The following PDE6C variants were observed in gnomAD, a reference collection of about 807,000 sequenced individuals.
PDE6C encodes the protein phosphodiesterase 6C.
In PDE6C, 75 loss-of-function variants were observed where a neutral mutation model predicts 113.1. The observed-to-expected ratio is 0.66, with a 90% CI of 0.55 to 0.80. PDE6C has a LOEUF of 0.80. Among genes scored for constraint, PDE6C ranks in the 30% least tolerant of loss-of-function variants. The pLI, the probability that PDE6C is intolerant of heterozygous loss-of-function variation, is 0.00. For synonymous variants in PDE6C, 375 were observed against 363.7 expected, an observed-to-expected ratio of 1.03 and a Z score of -0.35; for missense variants, 912 against 1,038.6, an observed-to-expected ratio of 0.88 and a Z score of 1.67.
chr10:93,617,483 A>G (rs2058425442), intron 1 of PDE6C, among the ~76,000 whole-genome samples: 1 of 152,248 alleles, frequency 6.6e-6, no homozygotes, highest in Non-Finnish European at 1.5e-5. Context: ...TTTGCAAAGA[A>G]GTGCTGCCAG....
intron 8 of PDE6C, 41 bp from the exon 9 acceptor site, chr10:93,634,717 A>T (rs748787048): frequency 6.9e-5 from 111 of 1,611,246 alleles, no homozygotes; most frequent in Non-Finnish European, 8.6e-5. Flanking sequence ...TTTCAAACTA[A>T]AAAGGCAAAA....
At chr10:93,654,778 C>A (rs1218679775) in intron 15 of PDE6C, among the ~76,000 whole-genome samples, 1 of 60,344 alleles carries the variant, frequency 1.7e-5, no homozygotes, top group Admixed American at 2.0e-4. Context: ...TTCTTTCTTT[C>A]TTTCTTTCTT....
intron 14 of PDE6C, among the ~76,000 whole-genome samples, chr10:93,642,427 T>C (rs2058564345): frequency 6.6e-6 from 1 of 152,186 alleles, no homozygotes; most frequent in African/African-American, 2.4e-5. Flanking sequence ...TGTGATGTCA[T>C]TGGACTATTC....
chr10:93,634,602 G>A (rs1022223535), intron 8 of PDE6C, among the ~76,000 whole-genome samples, 156 bp from the exon 9 acceptor site: 12 of 152,198 alleles, frequency 7.9e-5, no homozygotes, highest in Non-Finnish European at 1.5e-5. Flanking sequence ...GGTAGAAAAT[G>A]TACTGTAGTT....
intron 16 of PDE6C, among the ~76,000 whole-genome samples, chr10:93,656,378 AC>A (rs1332939507): frequency 6.6e-6 from 1 of 152,170 alleles, no homozygotes; most frequent in African/African-American, 2.4e-5. Context: ...CCTATTTACA[AC>A]AGTAATATTG....
chr10:93,613,203 A>G lies in PDE6C; in HGVS notation c.478A>G (p.Lys160Glu). The G allele has an allele frequency of 6.2e-7, 1 of 1,613,618 alleles. No individual in the cohort carries two copies. Among genetic ancestry groups the G allele is most frequent in the Non-Finnish European group, 8.5e-7 (1 of 1,180,032 alleles). Residue 160 changes from lysine (K) to glutamate (E), a missense_variant and splice_region_variant, in exon 1 of 22, where the codon AAG (lysine) becomes GAG (glutamate). Physicochemically the swap from Lys to Glu is moderately conservative, Grantham distance 56. Coordinates refer to ENST00000371447, the MANE Select transcript of PDE6C (RefSeq NM_006204.4). ...KKTHNVPDVKKNSHFSDFMDK... is the reference protein window; with the variant it reads ...KKTHNVPDVKENSHFSDFMDK... ...AACTCATAATGTCCCAGATGTGAAA[A>G]AGGTAGGTGGCCTTATGACAGTGGG...
chr10:93,619,286 A>G (rs907564117), intron 1 of PDE6C, among the ~76,000 whole-genome samples: 2 of 152,266 alleles, frequency 1.3e-5, no homozygotes, highest in Admixed American at 1.3e-4. Context: ...CCTCTCTCCC[A>G]GAGAAAGAAA....
At position 93,663,138 on chromosome 10, in the gene PDE6C, T is replaced by G. The variant is rs758116589; in HGVS notation, c.2478T>G (p.Ile826Met). Residue 826 changes from isoleucine (I) to methionine (M), a missense_variant, in exon 21 of 22, where the codon ATT becomes ATG. Ile to Met is a conservative substitution (Grantham distance 10, BLOSUM62 1). Coordinates refer to ENST00000371447, the MANE Select transcript of PDE6C (RefSeq NM_006204.4). ...AGTATGATGCAAAGATGAAGGTCATTGAAGAGGAGGCAAAAAAGCAAGAAG... is the reference window on the plus strand; with the variant it reads ...AGTATGATGCAAAGATGAAGGTCATGGAAGAGGAGGCAAAAAAGCAAGAAG... Reference protein sequence around the residue: ...ADEYDAKMKVIEEEAKKQEGG... With the variant: ...ADEYDAKMKVMEEEAKKQEGG... The G allele has an allele frequency of 2.5e-6, 4 of 1,613,688 alleles. No homozygotes were observed. In the South Asian group the frequency reaches 4.4e-5, roughly 18 times the overall value.
chr10:93,631,545 G>A (rs2058501592), intron 8 of PDE6C, among the ~76,000 whole-genome samples: 1 of 151,734 alleles, frequency 6.6e-6, no homozygotes. Flanking sequence ...TTTGCAAAGG[G>A]TCGGGACTGC....
chr10:93,662,239 C>A, intron 19 of PDE6C, 106 bp downstream of exon 19: 1 of 772,906 alleles, frequency 1.3e-6, no homozygotes, highest in Non-Finnish European at 2.3e-6. Flanking sequence ...CTGAGGTGGG[C>A]AGATCACGAG....
rs978527949 is a variant in PDE6C, at chr10:93,624,480, C to T, written c.865-1095C>T. Among the ~76,000 whole-genome samples, 8 of 152,194 alleles carry T rather than the reference C, an allele frequency of 5.3e-5. No homozygotes were observed. In the East Asian group the frequency reaches 7.7e-4, roughly 15 times the overall value. On this transcript the variant is annotated intron_variant, in intron 4 of 21. Coordinates refer to ENST00000371447, the MANE Select transcript of PDE6C (RefSeq NM_006204.4). ...CTCGAACTCCTGTCCTCAAGTGATC[C>T]GCTCGCCTTGGCCTCTCAAAGTGCT...
chr10:93,642,516 C>T (rs2058564806), intron 14 of PDE6C, among the ~76,000 whole-genome samples: 1 of 136,782 alleles, frequency 7.3e-6, no homozygotes, highest in African/African-American at 2.5e-5. Flanking sequence ...AGCCACACTT[C>T]ATTCTCATTT....
chr10:93,649,420 C>A (rs1268974926), intron 15 of PDE6C, among the ~76,000 whole-genome samples: 1 of 152,124 alleles, frequency 6.6e-6, no homozygotes, highest in African/African-American at 2.4e-5. Context: ...TGCTTCAAAT[C>A]CTACCATCCA....
rs1451804778 is a variant in PDE6C, at chr10:93,662,627, G to C, written c.2351G>C (p.Cys784Ser). The C allele has an allele frequency of 1.4e-6, 2 of 1,398,304 alleles. No homozygotes were observed. The highest frequency in any genetic ancestry group is 1.2e-5 in the South Asian group (1 of 86,668). The allele number at this position is 1,398,304 out of a possible 1,614,324, so 86.6% of individuals were successfully genotyped here. A position where few individuals can be genotyped will look rare whatever the true frequency, so the allele number is the denominator to read the frequency against. ...KLQVGFIDFV[C>S]TFVYKEFSRF... ...CAAGTTGGATTTATTGATTTTGTTT[G>C]TACTTTTGTATATAAGGTAAGTAAG... Residue 784 changes from cysteine to serine, a missense_variant, in exon 20 of 22, where the codon TGT (cysteine) becomes TCT (serine). By Grantham distance (112) the Cys-to-Ser change is moderately radical. Coordinates refer to ENST00000371447, the MANE Select transcript of PDE6C (RefSeq NM_006204.4).
chr10:93,659,021 AATTGT>A lies in PDE6C; in HGVS notation c.2144+17_2144+21del. ...AAGAGATTATCATGTAGGTAGTTGAAATTGTATTTCTCTCTTGTTTTTTGTAAAAA... is the reference window on the plus strand; with the variant it reads ...AAGAGATTATCATGTAGGTAGTTGAAATTTCTCTCTTGTTTTTTGTAAAAA... On this transcript the variant is annotated intron_variant, in intron 17 of 21. Transcript: ENST00000371447. The A allele has an allele frequency of 6.4e-7, 1 of 1,574,678 alleles. No homozygotes were observed. The highest frequency in any genetic ancestry group is 8.7e-7 in the Non-Finnish European group (1 of 1,144,532).
intron 14 of PDE6C, among the ~76,000 whole-genome samples, chr10:93,645,422 T>C (rs1045372210): frequency 1.3e-5 from 2 of 152,216 alleles, no homozygotes; most frequent in African/African-American, 4.8e-5. Context: ...ACATAATCTC[T>C]AGACCTTTGA....
intron 16 of PDE6C, among the ~76,000 whole-genome samples, chr10:93,657,071 T>C (rs1357986742): frequency 1.3e-5 from 2 of 152,188 alleles, no homozygotes; most frequent in African/African-American, 2.4e-5. Context: ...CCTTCCCTTC[T>C]TCCACAAAGA....
intron 10 of PDE6C, among the ~76,000 whole-genome samples, chr10:93,636,378 G>C (rs2058530607): frequency 6.8e-6 from 1 of 147,734 alleles, no homozygotes; most frequent in Admixed American, 6.7e-5. Context: ...TTGTGTGTGT[G>C]TGTGTGTGTG....
chr10:93,665,375 G>A lies in PDE6C; in HGVS notation c.2534G>A (p.Gly845Glu). ...GGAEKAAEDS[G>E]GGDDKKSKTC... ...ATTTTACTAGCTGCTGAAGATTCAGGAGGTGGTGATGACAAAAAGTCCAAA... is the reference window on the plus strand; with the variant it reads ...ATTTTACTAGCTGCTGAAGATTCAGAAGGTGGTGATGACAAAAAGTCCAAA... The change falls in exon 22 of 22, where the codon GGA (glycine) becomes GAA (glutamate). Residue 845 changes from glycine (G) to glutamate (E), a missense_variant. Physicochemically the swap from Gly to Glu is moderately conservative, Grantham distance 98. Coordinates refer to ENST00000371447, the MANE Select transcript of PDE6C (RefSeq NM_006204.4). 5 of 1,610,210 alleles carry A rather than the reference G, an allele frequency of 3.1e-6. No individual in the cohort carries two copies. In the South Asian group the frequency reaches 4.4e-5, roughly 14 times the overall value.
Sources: allele counts gnomAD v4.1 joint callset (sites outside exome capture counted in the v4.1 genomes callset), GRCh38; gene constraint gnomAD v4.1.1; transcripts MANE v1.5; gene names NCBI Gene and HGNC (gene_info 2026-07-23, HGNC 2026-07-21).